Variants in DPP10 observed in about 807,000 individuals in gnomAD.
The protein encoded by DPP10 is dipeptidyl peptidase like 10.
In DPP10, 33 loss-of-function variants were observed where a neutral mutation model predicts 120.9. The observed-to-expected ratio is 0.27, with a 90% CI of 0.21 to 0.37. DPP10 has a LOEUF of 0.37. Among genes scored for constraint, DPP10 ranks in the 10% least tolerant of loss-of-function variants. The pLI, the probability that DPP10 is intolerant of heterozygous loss-of-function variation, is 1.00. For synonymous variants in DPP10, 337 were observed against 326.1 expected (o/e 1.03, Z -0.36); for missense variants, 816 against 942.8 (o/e 0.87, Z 1.76).
chr2:115,037,342 C>T (rs980803288), intron 1 of DPP10, among the ~76,000 whole-genome samples: 3 of 152,174 alleles, frequency 2.0e-5, no homozygotes, highest in Non-Finnish European at 2.9e-5. Flanking sequence ...CACACATATG[C>T]ATGTGGCAAA....
intron 1 of DPP10, among the ~76,000 whole-genome samples, chr2:115,143,145 T>A (rs2051022703): frequency 2.0e-5 from 3 of 152,202 alleles, no homozygotes; most frequent in African/African-American, 7.2e-5. Context: ...TGCCTGGTTC[T>A]AGGAGGGACA....
At chr2:114,445,544 G>GTGTT (rs1291409745) in intron 1 of DPP10, among the ~76,000 whole-genome samples, 1 of 123,650 alleles carries the variant, frequency 8.1e-6, no homozygotes, top group Non-Finnish European at 1.7e-5. Context: ...CTGTGTGTGT[G>GTGTT]TGTGTGTGTG....
At chr2:115,401,532 G>A (rs1213573667) in intron 3 of DPP10, among the ~76,000 whole-genome samples, 1 of 152,168 alleles carries the variant, frequency 6.6e-6, no homozygotes, top group Non-Finnish European at 1.5e-5. Context: ...ACGGTGAGCT[G>A]TGATCAAGCT....
chr2:115,293,091 A>G (rs1352108149), intron 1 of DPP10, among the ~76,000 whole-genome samples: 2 of 152,090 alleles, frequency 1.3e-5, no homozygotes, highest in East Asian at 3.9e-4. Flanking sequence ...ATTCACATTA[A>G]CCAAGGGCAC....
chr2:114,560,566 C>A (rs973765463), intron 1 of DPP10, among the ~76,000 whole-genome samples: 3 of 152,066 alleles, frequency 2.0e-5, no homozygotes, highest in Non-Finnish European at 4.4e-5. Flanking sequence ...TGGCACTGGT[C>A]CTGGGTGAGG....
intron 3 of DPP10, among the ~76,000 whole-genome samples, chr2:115,473,170 A>G (rs1273525592): frequency 1.3e-5 from 2 of 152,202 alleles, no homozygotes; most frequent in Non-Finnish European, 2.9e-5. Flanking sequence ...TTAGCATTGT[A>G]ATATTATTTT....
intron 1 of DPP10, among the ~76,000 whole-genome samples, chr2:114,996,296 A>G (rs191968342): frequency 6.6e-6 from 1 of 152,324 alleles, no homozygotes; most frequent in East Asian, 1.9e-4. Flanking sequence ...CCTGTAAATC[A>G]CGTTCTACTT....
intron 3 of DPP10, among the ~76,000 whole-genome samples, chr2:115,424,119 A>G (rs539551192): frequency 6.6e-6 from 1 of 152,162 alleles, no homozygotes; most frequent in African/African-American, 2.4e-5. Flanking sequence ...AAGTAATAAG[A>G]CATTATGACA....
At chr2:115,573,519 T>A (rs1339719548) in intron 5 of DPP10, among the ~76,000 whole-genome samples, 1 of 150,940 alleles carries the variant, frequency 6.6e-6, no homozygotes, top group Non-Finnish European at 1.5e-5. Flanking sequence ...CCTGACCTCG[T>A]GATCCGCCCA....
chr2:115,062,652 G>T (rs1376891339), intron 1 of DPP10, among the ~76,000 whole-genome samples: 2 of 152,114 alleles, frequency 1.3e-5, no homozygotes, highest in East Asian at 1.9e-4. Flanking sequence ...TTGATTTTCT[G>T]TTCCTGTGCT....
At chr2:115,513,568 A>G (rs1286700547) in intron 4 of DPP10, among the ~76,000 whole-genome samples, 3 of 151,840 alleles carry the variant, frequency 2.0e-5, no homozygotes, top group South Asian at 4.1e-4. Flanking sequence ...ATTGCCTTGT[A>G]ATTTACAACT....
chr2:115,360,819 G>A (rs145565199), intron 3 of DPP10, among the ~76,000 whole-genome samples: 2 of 152,312 alleles, frequency 1.3e-5, no homozygotes, highest in Non-Finnish European at 2.9e-5. Context: ...GGGTTGTGGG[G>A]TATGTCTGCT....
At chr2:115,087,253 G>A (rs1349627334) in intron 1 of DPP10, among the ~76,000 whole-genome samples, 1 of 152,170 alleles carries the variant, frequency 6.6e-6, no homozygotes, top group African/African-American at 2.4e-5. Flanking sequence ...GAGTAGTGTG[G>A]CAATGGCTGT....
intron 1 of DPP10, among the ~76,000 whole-genome samples, chr2:114,683,638 A>T (rs1358377484): frequency 6.9e-6 from 1 of 145,122 alleles, no homozygotes; most frequent in African/African-American, 2.6e-5. Context: ...GATTCTTCCT[A>T]TATCACAACA....
At chr2:114,888,465 A>C (rs1692265883) in intron 1 of DPP10, among the ~76,000 whole-genome samples, 1 of 152,248 alleles carries the variant, frequency 6.6e-6, no homozygotes, top group South Asian at 2.1e-4. Context: ...ATCAAGATTA[A>C]AGAAAATTTT....
At chr2:114,693,848 T>A (rs1699913595) in intron 1 of DPP10, among the ~76,000 whole-genome samples, 1 of 151,958 alleles carries the variant, frequency 6.6e-6, no homozygotes, top group African/African-American at 2.4e-5. Context: ...GCTCTGAGAT[T>A]CTTTCCCCTA....
At chr2:114,477,670 A>C (rs1680539927) in intron 1 of DPP10, among the ~76,000 whole-genome samples, 1 of 143,104 alleles carries the variant, frequency 7.0e-6, no homozygotes, top group East Asian at 2.1e-4. Context: ...CTGTAATCCC[A>C]GATACTCGGG....
At chr2:115,218,796 A>G (rs1357176285) in intron 1 of DPP10, among the ~76,000 whole-genome samples, 1 of 152,110 alleles carries the variant, frequency 6.6e-6, no homozygotes, top group Non-Finnish European at 1.5e-5. Context: ...CCTTGTGGTA[A>G]TTGGTTTTCT....
intron 5 of DPP10, among the ~76,000 whole-genome samples, chr2:115,574,420 C>G (rs1396122405): frequency 6.6e-6 from 1 of 152,194 alleles, no homozygotes; most frequent in Non-Finnish European, 1.5e-5. Context: ...GCTTGGTTCT[C>G]TCTACTTCAG....
Sources: allele counts gnomAD v4.1 joint callset (sites outside exome capture counted in the v4.1 genomes callset), GRCh38; gene constraint gnomAD v4.1.1; transcripts MANE v1.5; gene names NCBI Gene and HGNC (gene_info 2026-07-23, HGNC 2026-07-21).